The following ANK2 variants were observed in gnomAD, a reference collection of about 807,000 sequenced individuals.
ANK2 encodes the protein ankyrin 2, also known as ankyrin-2.
Under a neutral mutation model 360.5 loss-of-function variants are expected in ANK2, and 83 were observed. The observed-to-expected ratio is 0.23, with a 90% CI of 0.19 to 0.28. ANK2 has a LOEUF of 0.28. ANK2 is among the 10% of genes least tolerant of loss of function. ANK2 has a pLI of 1.00. For missense variants in ANK2, 4,201 were observed against 4,795.7 expected (o/e 0.88, Z 3.66); for synonymous variants, 1,740 against 1,759.5 (o/e 0.99, Z 0.28).
chr4:113,295,032 A>G (rs530500176), intron 22 of ANK2, among the ~76,000 whole-genome samples: 1 of 152,274 alleles, frequency 6.6e-6, no homozygotes, highest in South Asian at 2.1e-4. Context: ...TTTTCTCTCA[A>G]CTTTTTACCT....
In ANK2 at chr4:112,913,820, A is replaced by T. The variant is rs116442910; in HGVS notation, c.21+9306A>T. Among the ~76,000 whole-genome samples, 723 of 152,332 alleles carry T rather than the reference A, an allele frequency of 4.7e-3. 3 individuals carry two copies. The highest frequency in any genetic ancestry group is 0.016 in the African/African-American group (663 of 41,586). ...AGTTTGAAAGAGATCCAAACCTTAT[A>T]AAAATGAGTCAATTTGCCATGGAAT... On this transcript the variant is annotated intron_variant, in intron 2 of 30. Transcript: ENST00000503271.
chr4:112,794,724 A>G, the ANK2 span, among the ~76,000 whole-genome samples: 1 of 152,196 alleles, frequency 6.6e-6, no homozygotes, highest in Non-Finnish European at 1.5e-5. Context: ...AACTATTTTA[A>G]CAGGGAATCA....
At chr4:112,882,032 G>T in intron 1 of ANK2, 1 of 478,148 alleles carries the variant, frequency 2.1e-6, no homozygotes, top group Non-Finnish European at 3.8e-6. Context: ...CAATCTGTGA[G>T]CCTTCTCCAC....
the ANK2 span, among the ~76,000 whole-genome samples, chr4:112,773,623 T>C: frequency 6.6e-6 from 1 of 152,148 alleles, no homozygotes; most frequent in African/African-American, 2.4e-5. Context: ...GATTTGAGAG[T>C]TGCTGCTCTG....
chr4:113,295,948 A>G lies in ANK2; in HGVS notation c.2475+2410A>G, dbSNP rs2071162752. Among the ~76,000 whole-genome samples the G allele has an allele frequency of 2.6e-5, 4 of 152,252 alleles. No homozygotes were observed. In the South Asian group the frequency reaches 8.3e-4, roughly 32 times the overall value. Reference sequence around the variant, plus strand: ...TATTCTGGGAGTCTTCTTACAATAAACTTCCTCTCTTTGGAAAGAGATTTT... The same window carrying G: ...TATTCTGGGAGTCTTCTTACAATAAGCTTCCTCTCTTTGGAAAGAGATTTT... On this transcript the variant is annotated intron_variant, in intron 22 of 45. Coordinates refer to ENST00000357077, the MANE Select transcript of ANK2 (RefSeq NM_001148.6).
Position 113,372,510 on chromosome 4 carries a change from C to T in ANK2, c.11611-580C>T, listed in dbSNP as rs1051382104. The T allele has an allele frequency of 1.5e-5, 22 of 1,448,590 alleles. No homozygotes were observed. The African/African-American group carries it at 1.7e-4, about 11-fold the overall frequency. The allele number at this position is 1,448,590 out of a possible 1,614,324, so 89.7% of individuals were successfully genotyped here. A position where few individuals can be genotyped will look rare whatever the true frequency, so the allele number is the denominator to read the frequency against. On this transcript the variant is annotated intron_variant, in intron 43 of 45. Coordinates refer to ENST00000357077, the MANE Select transcript of ANK2 (RefSeq NM_001148.6). The stretch of plus-strand genomic sequence containing the variant: ...TCATTCCTTAGCATGTTAAACAAAG[C>T]AATGCTTCCATGCTTCCACCAGGAG...
chr4:113,033,399 G>A (rs1427121903), intron 2 of ANK2, among the ~76,000 whole-genome samples: 3 of 151,968 alleles, frequency 2.0e-5, no homozygotes, highest in African/African-American at 7.2e-5. Flanking sequence ...AGACAAAAAA[G>A]CTCAAGGTCT....
At chr4:113,204,027 C>T (rs2153425660) in intron 4 of ANK2, among the ~76,000 whole-genome samples, 1 of 152,186 alleles carries the variant, frequency 6.6e-6, no homozygotes, top group Middle Eastern at 3.4e-3. Flanking sequence ...GGATATTCTG[C>T]TGTTACCACC....
At chr4:112,810,875 G>C in the ANK2 span, among the ~76,000 whole-genome samples, 8 of 149,180 alleles carry the variant, frequency 5.4e-5, no homozygotes, top group Admixed American at 4.0e-4. Context: ...TGTTGTTGTT[G>C]TTTTGTTACA....
At chr4:112,820,679 C>T (rs1403586373) in intron 1 of ANK2, among the ~76,000 whole-genome samples, 1 of 152,096 alleles carries the variant, frequency 6.6e-6, no homozygotes, top group East Asian at 1.9e-4. Flanking sequence ...AAGTAATCCT[C>T]CTACCTTAGC....
intron 45 of ANK2, 112 bp downstream of exon 45, chr4:113,373,561 G>T: frequency 8.3e-7 from 1 of 1,205,598 alleles, no homozygotes; most frequent in Non-Finnish European, 1.2e-6. Flanking sequence ...CCTTTCATGT[G>T]GCAGTTTGCT....
chr4:113,117,229 T>C (rs1562188409), intron 1 of ANK2: 12 of 450,374 alleles, frequency 2.7e-5, no homozygotes, highest in Non-Finnish European at 4.9e-5. Context: ...TGAAATCACC[T>C]GGATTGCTGG....
intron 3 of ANK2, among the ~76,000 whole-genome samples, chr4:113,198,772 T>C (rs1244765398): frequency 6.6e-6 from 1 of 152,088 alleles, no homozygotes; most frequent in Admixed American, 6.6e-5. Flanking sequence ...GAAAATACAG[T>C]CATTCCGTGT....
chr4:113,356,413 G>C lies in ANK2; in HGVS notation c.7795G>C (p.Asp2599His). Residue 2599 changes from aspartate to histidine, a missense_variant, in exon 38 of 46, where the codon GAT becomes CAT. This residue lies in a region of ANK2 where 2,642 missense variants were observed against 2,714.5 expected (regional missense o/e 0.97). Coordinates refer to ENST00000357077, the MANE Select transcript of ANK2 (RefSeq NM_001148.6). ...FKMVTKIKMF[D>H]ELEQEAKQKR... ...AATGGTAACCAAAATCAAAATGTTTGATGAACTTGAACAAGAAGCAAAGCA... is the reference window on the plus strand; with the variant it reads ...AATGGTAACCAAAATCAAAATGTTTCATGAACTTGAACAAGAAGCAAAGCA... 1 of 1,614,134 alleles carries C rather than the reference G, an allele frequency of 6.2e-7. No homozygotes were observed. Among genetic ancestry groups the C allele is most frequent in the Non-Finnish European group, 8.5e-7 (1 of 1,179,998 alleles).
At chr4:113,265,135 G>GAAA in intron 14 of ANK2, 140 bp downstream of exon 14, 2 of 663,044 alleles carry the variant, frequency 3.0e-6, no homozygotes, top group Non-Finnish European at 4.8e-6. Context: ...CAGTTTTCCA[G>GAAA]AAAAAAAAAA....
intron 2 of ANK2, among the ~76,000 whole-genome samples, chr4:112,941,448 ATC>A (rs2094200731): frequency 6.9e-6 from 1 of 144,402 alleles, no homozygotes; most frequent in African/African-American, 2.5e-5. Flanking sequence ...ATATACATAT[ATC>A]TTTTATAAAT....
At chr4:112,977,550 A>T (rs567737825) in intron 2 of ANK2, among the ~76,000 whole-genome samples, 16 of 151,590 alleles carry the variant, frequency 1.1e-4, no homozygotes, top group South Asian at 2.1e-4. Flanking sequence ...ATTAAAAAAA[A>T]TTTTATTTAT....
At chr4:112,793,663 T>C in the ANK2 span, among the ~76,000 whole-genome samples, 1 of 151,444 alleles carries the variant, frequency 6.6e-6, no homozygotes, top group Non-Finnish European at 1.5e-5. Flanking sequence ...CTTTTATAAA[T>C]GAGAAAACTA....
At chr4:113,372,498 T>TGCTAA in intron 43 of ANK2, 1 of 1,341,328 alleles carries the variant, frequency 7.5e-7, no homozygotes, top group Non-Finnish European at 1.0e-6. Context: ...TTCCTTAGCA[T>TGCTAA]GTTAAACAAA....
Sources: allele counts gnomAD v4.1 joint callset (sites outside exome capture counted in the v4.1 genomes callset), GRCh38; gene constraint gnomAD v4.1.1; regional missense constraint gnomAD v4.1.1; transcripts MANE v1.5; gene names NCBI Gene and HGNC (gene_info 2026-07-23, HGNC 2026-07-21).